SPPL3: variants seen among roughly 807,000 people sequenced by gnomAD.
The protein encoded by SPPL3 is signal peptide peptidase like 3.
In SPPL3, 5 loss-of-function variants were observed where a neutral mutation model predicts 42.4. The observed-to-expected ratio is 0.12, with a 90% CI of 0.06 to 0.25. SPPL3 has a LOEUF of 0.25. Among genes scored for constraint, SPPL3 ranks in the 10% least tolerant of loss-of-function variants. SPPL3 has a pLI of 1.00. For missense variants in SPPL3, 235 were observed against 489.0 expected, an observed-to-expected ratio of 0.48 and a Z score of 4.90; for synonymous variants, 195 against 181.8, an observed-to-expected ratio of 1.07 and a Z score of -0.58.
intron 3 of SPPL3, among the ~76,000 whole-genome samples, chr12:120,789,188 T>C (rs2136983656): frequency 6.6e-6 from 1 of 152,322 alleles, no homozygotes; most frequent in African/African-American, 2.4e-5. Context: ...GTGCAGTGGC[T>C]CATGCCTATA....
At chr12:120,794,057 C>T (rs540339369) in intron 2 of SPPL3, among the ~76,000 whole-genome samples, 1 of 152,258 alleles carries the variant, frequency 6.6e-6, no homozygotes, top group East Asian at 1.9e-4. Context: ...GTTTTTGCTT[C>T]ATGTATTTTG....
At chr12:120,901,590 TAAA>T (rs754148484) in intron 1 of SPPL3, among the ~76,000 whole-genome samples, 2 of 103,446 alleles carry the variant, frequency 1.9e-5, no homozygotes, top group African/African-American at 3.8e-5. Context: ...GACTCCGTCC[TAAA>T]AAAAAAAAAA....
chr12:120,889,129 T>C (rs1873554556), intron 1 of SPPL3, among the ~76,000 whole-genome samples: 1 of 152,134 alleles, frequency 6.6e-6, no homozygotes, highest in South Asian at 2.1e-4. Flanking sequence ...ATTATATCTT[T>C]CAAAAGCTAT....
rs142424551 is a variant in SPPL3, at chr12:120,766,365, G to A, written c.981C>T (p.Leu327=). 2.3e-5 allele frequency: 37 copies of A among 1,584,540 alleles called. No individual in the cohort carries two copies. In the Middle Eastern group the frequency reaches 8.3e-4, roughly 36 times the overall value. The stretch of plus-strand genomic sequence containing the variant: ...GAATGCGAGACGCCACAGTAGCAGT[G>A]AGCAGGCCTGTGAGGAGAGAGAGGC... ...CTLIGYFVGL[L]TATVASRIHR... The change falls in exon 10 of 11, where the codon CTC becomes CTT. Residue 327 remains leucine, a synonymous_variant. Coordinates refer to ENST00000353487, the MANE Select transcript of SPPL3 (RefSeq NM_139015.5).
At chr12:120,898,320 A>ATTTT in intron 1 of SPPL3, among the ~76,000 whole-genome samples, 2 of 146,404 alleles carry the variant, frequency 1.4e-5, no homozygotes, top group Non-Finnish European at 3.0e-5. Context: ...TTTTTAAAAA[A>ATTTT]AAAAAAAAAA....
chr12:120,819,672 G>A (rs1949402993), intron 1 of SPPL3, among the ~76,000 whole-genome samples: 2 of 152,080 alleles, frequency 1.3e-5, no homozygotes, highest in Admixed American at 1.3e-4. Flanking sequence ...ATAACCAATG[G>A]TACTTTGGAA....
intron 3 of SPPL3, among the ~76,000 whole-genome samples, chr12:120,784,930 C>A (rs542459733): frequency 6.6e-6 from 1 of 151,762 alleles, no homozygotes; most frequent in South Asian, 2.1e-4. Context: ...AATTTGTGGT[C>A]TTGAATATAG....
Position 120,904,039 on chromosome 12 carries a change from G to C in SPPL3, c.-172C>G. 2.3e-6 allele frequency: 1 copy of C among 438,158 alleles called. No homozygotes were observed. The highest frequency in any genetic ancestry group is 3.6e-6 in the Non-Finnish European group (1 of 276,196). The allele number at this position is 438,158 out of a possible 1,614,324, so 27.1% of individuals were successfully genotyped here. A position where few individuals can be genotyped will look rare whatever the true frequency, so the allele number is the denominator to read the frequency against. ...AAGGCGGCTGGCGGGGAGAGGCCGG[G>C]CTCCGAAGCGGCCCCGCTCCCTGGG... On this transcript the variant is annotated 5_prime_UTR_variant, in exon 1 of 11. Coordinates refer to ENST00000353487, the MANE Select transcript of SPPL3 (RefSeq NM_139015.5).
chr12:120,832,173 GACA>G (rs1230521721), intron 1 of SPPL3, among the ~76,000 whole-genome samples: 2 of 152,060 alleles, frequency 1.3e-5, no homozygotes, highest in African/African-American at 4.8e-5. Flanking sequence ...ATAACCCTGT[GACA>G]ACATTTTCAT....
At chr12:120,831,534 CT>C (rs1402173921) in intron 1 of SPPL3, among the ~76,000 whole-genome samples, 2 of 152,196 alleles carry the variant, frequency 1.3e-5, no homozygotes, top group African/African-American at 2.4e-5. Flanking sequence ...GTTTATGCCA[CT>C]GTTTATGTGA....
chr12:120,808,883 T>C (rs1480327202), intron 2 of SPPL3, among the ~76,000 whole-genome samples: 2 of 152,146 alleles, frequency 1.3e-5, no homozygotes, highest in Admixed American at 6.5e-5. Flanking sequence ...GCAAAGTCCT[T>C]TGAAATATTA....
At chr12:120,780,297 AAAT>A (rs1366548862) in intron 6 of SPPL3, among the ~76,000 whole-genome samples, 4 of 150,644 alleles carry the variant, frequency 2.7e-5, no homozygotes, top group African/African-American at 7.3e-5. Context: ...CATCTCTATA[AAAT>A]AATAATAAAA....
At chr12:120,840,209 T>C (rs1027260986) in intron 1 of SPPL3, among the ~76,000 whole-genome samples, 1 of 121,252 alleles carries the variant, frequency 8.2e-6, no homozygotes, top group Non-Finnish European at 1.6e-5. Context: ...ACCCGGCGGG[T>C]GGAGGCTGCA....
chr12:120,831,965 A>G (rs1469294588), intron 1 of SPPL3, among the ~76,000 whole-genome samples: 1 of 152,210 alleles, frequency 6.6e-6, no homozygotes, highest in Non-Finnish European at 1.5e-5. Context: ...GGACTAATCT[A>G]ATTCCTAAGA....
chr12:120,845,880 ATC>A (rs1343224228), intron 1 of SPPL3, among the ~76,000 whole-genome samples: 1 of 151,766 alleles, frequency 6.6e-6, no homozygotes, highest in Non-Finnish European at 1.5e-5. Flanking sequence ...CTATCTATCT[ATC>A]TATCTATCTA....
intron 1 of SPPL3, among the ~76,000 whole-genome samples, chr12:120,827,011 C>T (rs1224960768): frequency 1.3e-5 from 2 of 151,900 alleles, no homozygotes; most frequent in African/African-American, 4.8e-5. Context: ...ACTCTGTTCT[C>T]CAGTTGGTGA....
chr12:120,847,706 C>T (rs529125464), intron 1 of SPPL3, among the ~76,000 whole-genome samples: 29 of 152,186 alleles, frequency 1.9e-4, no homozygotes, highest in Admixed American at 5.9e-4. Context: ...GCTAGGATTA[C>T]AGGTGTGAGC....
chr12:120,785,468 C>A (rs1360108649), intron 3 of SPPL3, among the ~76,000 whole-genome samples: 1 of 151,764 alleles, frequency 6.6e-6, no homozygotes, highest in East Asian at 1.9e-4. Flanking sequence ...AAGCTCCTCA[C>A]AAAACTGTAT....
intron 1 of SPPL3, among the ~76,000 whole-genome samples, chr12:120,843,719 G>A (rs1871916043): frequency 6.6e-6 from 1 of 152,180 alleles, no homozygotes; most frequent in African/African-American, 2.4e-5. Flanking sequence ...CTGGGTGGCT[G>A]AGGTGGGTGG....
Sources: gnomAD v4.1 joint callset for allele counts (sites outside exome capture counted in the v4.1 genomes callset) on GRCh38, gnomAD v4.1.1 for gene constraint, MANE v1.5 for transcripts, NCBI Gene and HGNC (gene_info 2026-07-23, HGNC 2026-07-21) for gene names.